The following ITPR2 variants were observed in gnomAD, a reference collection of about 807,000 sequenced individuals.
ITPR2 encodes the protein inositol 1,4,5-trisphosphate receptor type 2.
Under a neutral mutation model 317.1 loss-of-function variants are expected in ITPR2, and 207 were observed. The ratio of observed to expected loss-of-function variants is 0.65; its 90% CI spans 0.58 to 0.73. The LOEUF is 0.73. Among genes scored for constraint, ITPR2 ranks in the 30% least tolerant of loss-of-function variants. The pLI is 0.00. For missense variants in ITPR2, 2,613 were observed against 3,284.0 expected (o/e 0.80, Z 4.99); for synonymous variants, 1,156 against 1,149.1 (o/e 1.01, Z -0.12).
chr12:26,363,864 GA>G (rs2136584482), intron 55 of ITPR2, among the ~76,000 whole-genome samples: 2 of 152,272 alleles, frequency 1.3e-5, no homozygotes, highest in South Asian at 4.1e-4. Flanking sequence ...TAAAGGAAAT[GA>G]AAAGTGTATA....
chr12:26,760,295 T>C (rs1229698934), intron 2 of ITPR2, among the ~76,000 whole-genome samples: 2 of 152,228 alleles, frequency 1.3e-5, no homozygotes, highest in Admixed American at 6.5e-5. Flanking sequence ...TTACAGAGAA[T>C]GGGAGTACCA....
chr12:26,494,211 A>T lies in ITPR2; in HGVS notation c.5312T>A (p.Phe1771Tyr). 1 of 1,613,260 alleles carries T rather than the reference A, an allele frequency of 6.2e-7. No individual in the cohort carries two copies. Among genetic ancestry groups the T allele is most frequent in the Non-Finnish European group, 8.5e-7 (1 of 1,179,654 alleles). Residue 1771 changes from phenylalanine (F) to tyrosine (Y), a missense_variant, in exon 39 of 57, where the codon TTT (phenylalanine) becomes TAT (tyrosine). Physicochemically the swap from Phe to Tyr is conservative, Grantham distance 22. Coordinates refer to ENST00000381340, the MANE Select transcript of ITPR2 (RefSeq NM_002223.4). Reference sequence around the variant, plus strand: ...AATGCCGAGGAAAATGCCTTCTGAAAAAATTCTGTCATTTTTGGTGTTCAC... The same window carrying T: ...AATGCCGAGGAAAATGCCTTCTGAATAAATTCTGTCATTTTTGGTGTTCAC... ...VIVNTKNDRI[F>Y]SEGIFLGIAL...
intron 2 of ITPR2, among the ~76,000 whole-genome samples, chr12:26,784,402 C>G (rs1357611855): frequency 1.3e-5 from 2 of 148,290 alleles, no homozygotes; most frequent in African/African-American, 5.0e-5. Context: ...TGATGCCGAG[C>G]CAAGGCTGGA....
chr12:26,572,785 T>C (rs1171081369), intron 34 of ITPR2, among the ~76,000 whole-genome samples: 4 of 152,130 alleles, frequency 2.6e-5, no homozygotes, highest in African/African-American at 4.8e-5. Context: ...GTTGAAAGTA[T>C]TGGTGAGAGT....
chr12:26,672,685 A>T (rs1299012485), intron 13 of ITPR2, among the ~76,000 whole-genome samples: 1 of 152,118 alleles, frequency 6.6e-6, no homozygotes, highest in Non-Finnish European at 1.5e-5. Context: ...GCAGAAGGCA[A>T]GAAATAACTA....
intron 2 of ITPR2, among the ~76,000 whole-genome samples, chr12:26,733,758 T>C (rs1012386047): frequency 2.0e-5 from 3 of 152,328 alleles, no homozygotes; most frequent in African/African-American, 7.2e-5. Flanking sequence ...GCCACTACAC[T>C]AGATGTAAGT....
At chr12:26,516,300 A>AGGAAGGGAAAGGAAGGGAAAGGAAG (rs1943508246) in intron 37 of ITPR2, among the ~76,000 whole-genome samples, 1 of 67,408 alleles carries the variant, frequency 1.5e-5, no homozygotes, top group African/African-American at 4.8e-5. Context: ...AGGAAAGGAA[A>AGGAAGGGAAAGGAAGGGAAAGGAAG]GGAAAGGAAA....
At chr12:26,782,465 G>C (rs1950114734) in intron 2 of ITPR2, among the ~76,000 whole-genome samples, 1 of 152,004 alleles carries the variant, frequency 6.6e-6, no homozygotes, top group African/African-American at 2.4e-5. Context: ...ATAGTTAAAG[G>C]GCTATTGTGT....
chr12:26,408,007 C>T (rs1940411881), intron 52 of ITPR2, among the ~76,000 whole-genome samples: 1 of 152,210 alleles, frequency 6.6e-6, no homozygotes, highest in Non-Finnish European at 1.5e-5. Context: ...TCCTTCTCAT[C>T]CTCCAAGTCT....
At chr12:26,716,533 A>C (rs1948742677) in intron 5 of ITPR2, among the ~76,000 whole-genome samples, 1 of 152,182 alleles carries the variant, frequency 6.6e-6, no homozygotes, top group African/African-American at 2.4e-5. Flanking sequence ...GTCAATAAAT[A>C]GGCCATTATC....
rs1197541586 is a variant in ITPR2 at position 26,655,794 on chromosome 12, T to C, written c.2503A>G (p.Met835Val). Residue 835 changes from methionine to valine, a missense_variant, in exon 20 of 57, where the codon ATG (methionine) becomes GTG (valine). Transcript: ENST00000381340. The stretch of plus-strand genomic sequence containing the variant: ...TTCAAATATTCTTCAACAAATTCCA[T>C]TGTCAGGGCAAATTTCCTCTTCATA... The part of the protein sequence containing the change: ...NDMKRKFALT[M>V]EFVEEYLKEV... 1.2e-6 allele frequency: 2 copies of C among 1,612,334 alleles called. No homozygotes were observed. The highest frequency in any genetic ancestry group is 1.7e-6 in the Non-Finnish European group (2 of 1,178,992).
rs751337253 is a variant in ITPR2 at position 26,666,042 on chromosome 12, G to T, written c.1419C>A (p.Thr473=). 8 of 1,607,194 alleles carry T rather than the reference G, an allele frequency of 5.0e-6. No homozygotes were observed. In the Admixed American group the frequency reaches 1.4e-4, roughly 27 times the overall value. Residue 473 remains threonine (T), a synonymous_variant, in exon 14 of 57, where the codon ACC becomes ACA. Coordinates refer to ENST00000381340, the MANE Select transcript of ITPR2 (RefSeq NM_002223.4). ...TITQNERRFV[T]KLLEDLIFFV... ...AGAATATGAGATCTTCCAATAATTT[G>T]GTTACAAACCTATTACAAAATGAAA...
chr12:26,666,704 C>G lies in ITPR2; in HGVS notation c.1410-653G>C, dbSNP rs1947639452. On this transcript the variant is annotated intron_variant, in intron 13 of 56. Coordinates refer to ENST00000381340, the MANE Select transcript of ITPR2 (RefSeq NM_002223.4). ...GAAGTATTAAATGACCTATCAAAATCGTGAAATTCTAAAACCATACACCAA... is the reference window on the plus strand; with the variant it reads ...GAAGTATTAAATGACCTATCAAAATGGTGAAATTCTAAAACCATACACCAA... 2.6e-5 allele frequency among the ~76,000 whole-genome samples: 4 copies of G among 152,274 alleles called. No homozygotes were observed. In the South Asian group the frequency reaches 6.2e-4, roughly 24 times the overall value.
At chr12:26,562,340 T>C (rs1944841369) in intron 34 of ITPR2, among the ~76,000 whole-genome samples, 2 of 152,226 alleles carry the variant, frequency 1.3e-5, no homozygotes, top group Non-Finnish European at 2.9e-5. Context: ...AAGTAGTGTT[T>C]GTGTGCACAC....
intron 2 of ITPR2, among the ~76,000 whole-genome samples, chr12:26,786,530 T>C (rs1368364788): frequency 6.6e-6 from 1 of 152,138 alleles, no homozygotes; most frequent in Non-Finnish European, 1.5e-5. Context: ...ACTATGTTTC[T>C]GTTAATATCA....
chr12:26,806,824 G>A (rs186521201), intron 1 of ITPR2, among the ~76,000 whole-genome samples: 99 of 152,248 alleles, frequency 6.5e-4, no homozygotes, highest in African/African-American at 2.2e-3. Context: ...ACAGGTATGA[G>A]CCACCATGCC....
intron 1 of ITPR2, among the ~76,000 whole-genome samples, chr12:26,803,456 G>A (rs1034353375): frequency 6.6e-6 from 1 of 152,168 alleles, no homozygotes. Context: ...ATAGCAGAAA[G>A]AAAGATTATA....
At chr12:26,494,027 TG>T in intron 39 of ITPR2, 125 bp downstream of exon 39, 2 of 600,936 alleles carry the variant, frequency 3.3e-6, no homozygotes, top group South Asian at 2.7e-5. Context: ...GTGTGATACA[TG>T]GATTTTTTTT....
chr12:26,557,860 GA>G (rs201429076), intron 35 of ITPR2, among the ~76,000 whole-genome samples: 3,283 of 150,682 alleles, frequency 0.022, 93 homozygotes, highest in African/African-American at 0.066. Flanking sequence ...TACATTAGAA[GA>G]AAAAAAAACT....
Sources: gnomAD v4.1 joint callset for allele counts (sites outside exome capture counted in the v4.1 genomes callset) on GRCh38, gnomAD v4.1.1 for gene constraint, MANE v1.5 for transcripts, NCBI Gene and HGNC (gene_info 2026-07-23, HGNC 2026-07-21) for gene names.